Variants in ANO10 observed in about 807,000 individuals in gnomAD.
The protein encoded by ANO10 is anoctamin-10.
A neutral mutation model predicts 74.7 loss-of-function variants in ANO10; 77 were observed. That is an observed-to-expected ratio of 1.03 (90% confidence interval 0.86 to 1.25). The LOEUF is 1.25. Ranked by LOEUF, ANO10 falls within the 50% of genes most tolerant of loss-of-function variation. The probability of loss-of-function intolerance (pLI) is 0.00; values close to 1 mark genes in which losing one functional copy is unlikely to be tolerated. For missense variants in ANO10, 721 were observed against 778.1 expected (o/e 0.93, Z 0.87); for synonymous variants, 279 against 284.9 (o/e 0.98, Z 0.21).
At chr3:43,631,755 T>C (rs77355723) in intron 1 of ANO10, among the ~76,000 whole-genome samples, 1 of 114,932 alleles carries the variant, frequency 8.7e-6, no homozygotes, top group Non-Finnish European at 1.9e-5. Context: ...AAAGTGCTTA[T>C]AAAAAAAAAA....
chr3:43,625,634 A>G (rs1036053130), upstream of ANO10, among the ~76,000 whole-genome samples: 6 of 152,224 alleles, frequency 3.9e-5, no homozygotes, highest in African/African-American at 1.4e-4. Flanking sequence ...TTCTCAGGTT[A>G]AAGAGACATT....
At chr3:43,612,144 A>ATATG (rs2082856982) in intron 1 of ANO10, among the ~76,000 whole-genome samples, 2 of 32,022 alleles carry the variant, frequency 6.2e-5, no homozygotes, top group Non-Finnish European at 1.0e-4. Flanking sequence ...AATATTTTAT[A>ATATG]TATATATATA....
At chr3:43,562,541 C>G (rs182406991) in intron 8 of ANO10, among the ~76,000 whole-genome samples, 1 of 145,900 alleles carries the variant, frequency 6.9e-6, no homozygotes, top group Non-Finnish European at 1.5e-5. Context: ...ATTAGCCAGG[C>G]GTGGTGGCGC....
At position 43,551,578 on chromosome 3, in the gene ANO10, C is replaced by A; in HGVS notation, c.1669-1730G>T. 2 of 456,890 alleles carry A rather than the reference C, an allele frequency of 4.4e-6. No individual in the cohort carries two copies. The highest frequency in any genetic ancestry group is 3.1e-5 in the South Asian group (2 of 64,494). 28.3% of individuals were successfully genotyped at this position (456,890 alleles called of 1,614,324 possible). A position where few individuals can be genotyped will look rare whatever the true frequency, so the allele number is the denominator to read the frequency against. ...CCCTCTCTTTACACCTGTGTCCAAACAAAATATGATCTGCTTTTTGTCAAT... is the reference window on the plus strand; with the variant it reads ...CCCTCTCTTTACACCTGTGTCCAAAAAAAATATGATCTGCTTTTTGTCAAT... On this transcript the variant is annotated intron_variant, in intron 10 of 12. Coordinates refer to ENST00000292246, the MANE Select transcript of ANO10 (RefSeq NM_018075.5).
chr3:43,468,232 T>C (rs1485228295), intron 11 of ANO10, among the ~76,000 whole-genome samples: 1 of 152,226 alleles, frequency 6.6e-6, no homozygotes, highest in Non-Finnish European at 1.5e-5. Context: ...TTTCACAAAG[T>C]GGTCTACTCT....
chr3:43,633,946 G>A (rs2083577693), intron 1 of ANO10, among the ~76,000 whole-genome samples: 1 of 140,378 alleles, frequency 7.1e-6, no homozygotes, highest in Non-Finnish European at 1.5e-5. Flanking sequence ...GGGACTGTTA[G>A]CAAACCTGCT....
intron 11 of ANO10, among the ~76,000 whole-genome samples, chr3:43,503,732 G>A (rs907962675): frequency 1.3e-5 from 2 of 152,174 alleles, no homozygotes; most frequent in South Asian, 2.1e-4. Context: ...TAAGTTTATA[G>A]GCTGCCTTGG....
chr3:43,480,347 A>T lies in ANO10; in HGVS notation c.1798-47620T>A, dbSNP rs569769972. On this transcript the variant is annotated intron_variant, in intron 11 of 12. Coordinates refer to ENST00000292246, the MANE Select transcript of ANO10 (RefSeq NM_018075.5). ...CAGAACTGAAGAACAGGTGTCTGCA[A>T]GTGTTAAGTCCCTCTGATCGAGGAG... Among the ~76,000 whole-genome samples, 3 of 152,380 alleles carry T rather than the reference A, an allele frequency of 2.0e-5. No individual in the cohort carries two copies. The South Asian group carries it at 6.2e-4, about 32-fold the overall frequency.
In ANO10 at chr3:43,690,801, G is replaced by A. The variant is rs1320955698; in HGVS notation, c.-12+716C>T. The A allele has an allele frequency of 8.4e-6, 4 of 473,654 alleles. No individual in the cohort carries two copies. In the Admixed American group the frequency reaches 1.8e-4, roughly 21 times the overall value. The allele number at this position is 473,654 out of a possible 1,614,324, so 29.3% of individuals were successfully genotyped here. ...GGGAGAACTAGTGCATGCTGGCTGG[G>A]GATGGCGGACGCAAAGCCGGAGGCA... is the stretch of plus-strand genomic sequence containing the variant. On this transcript the variant is annotated intron_variant, in intron 1 of 3. Coordinates refer to the ANO10 transcript ENST00000413397.
At chr3:43,633,151 C>T (rs1167434980) in intron 1 of ANO10, among the ~76,000 whole-genome samples, 3 of 152,046 alleles carry the variant, frequency 2.0e-5, no homozygotes, top group African/African-American at 4.8e-5. Context: ...TATCTCGTCC[C>T]CCCGGAAAGA....
intron 12 of ANO10, among the ~76,000 whole-genome samples, chr3:43,426,214 T>A (rs2092898223): frequency 1.3e-5 from 2 of 152,168 alleles, no homozygotes; most frequent in African/African-American, 4.8e-5. Context: ...GAAACCAAAC[T>A]GTAACGTGAC....
intron 11 of ANO10, among the ~76,000 whole-genome samples, chr3:43,489,435 G>C (rs1275634884): frequency 6.6e-6 from 1 of 152,072 alleles, no homozygotes; most frequent in Non-Finnish European, 1.5e-5. Flanking sequence ...CTGAGGGGTT[G>C]GATCTTCATT....
At chr3:43,390,971 C>A (rs2092260348) in intron 12 of ANO10, among the ~76,000 whole-genome samples, 1 of 152,146 alleles carries the variant, frequency 6.6e-6, no homozygotes, top group Non-Finnish European at 1.5e-5. Context: ...TTAACTTTGA[C>A]ATTATCTTAC....
intron 12 of ANO10, among the ~76,000 whole-genome samples, chr3:43,422,220 G>A (rs551196348): frequency 3.3e-5 from 5 of 152,214 alleles, no homozygotes; most frequent in African/African-American, 2.4e-5. Context: ...GGGTTCAAGC[G>A]ACTCTCCTGC....
chr3:43,392,790 T>C (rs2092302690), intron 12 of ANO10, among the ~76,000 whole-genome samples: 1 of 152,144 alleles, frequency 6.6e-6, no homozygotes, highest in Admixed American at 6.6e-5. Context: ...GCCAAATGCA[T>C]TTAAGTTGTC....
intron 11 of ANO10, 90 bp downstream of exon 11, chr3:43,549,630 G>T: frequency 7.0e-7 from 1 of 1,434,882 alleles, no homozygotes; most frequent in Non-Finnish European, 9.8e-7. Context: ...TTGCTCAATT[G>T]TCAGTCATGG....
chr3:43,589,405 G>A (rs548421434), intron 4 of ANO10, among the ~76,000 whole-genome samples: 7 of 152,148 alleles, frequency 4.6e-5, no homozygotes, highest in African/African-American at 9.6e-5. Flanking sequence ...TGAAGCAATC[G>A]GCTGGGCGCA....
At chr3:43,509,492 TG>T (rs2077430923) in intron 11 of ANO10, among the ~76,000 whole-genome samples, 1 of 152,178 alleles carries the variant, frequency 6.6e-6, no homozygotes, top group South Asian at 2.1e-4. Flanking sequence ...AAAACTACAA[TG>T]CAATATGACT....
intron 11 of ANO10, among the ~76,000 whole-genome samples, chr3:43,524,482 C>G (rs1168899611): frequency 2.0e-5 from 3 of 152,218 alleles, no homozygotes; most frequent in Admixed American, 6.6e-5. Flanking sequence ...TGGCCTGGCC[C>G]TAGAGACCAG....
Sources: gnomAD v4.1 joint callset for allele counts (sites outside exome capture counted in the v4.1 genomes callset) on GRCh38, gnomAD v4.1.1 for gene constraint, MANE v1.5 for transcripts, NCBI Gene and HGNC (gene_info 2026-07-23, HGNC 2026-07-21) for gene names.